Variants in POLH observed in about 807,000 individuals in gnomAD.
The protein encoded by POLH is DNA polymerase eta.
Under a neutral mutation model 73.6 loss-of-function variants are expected in POLH, and 53 were observed. The observed-to-expected ratio is 0.72, with a 90% CI of 0.58 to 0.91. POLH has a LOEUF of 0.91. POLH is among the 40% of genes least tolerant of loss of function. The probability of loss-of-function intolerance (pLI) is 0.00; values close to 1 mark genes in which losing one functional copy is unlikely to be tolerated. For missense variants in POLH, 768 were observed against 865.4 expected, an observed-to-expected ratio of 0.89 and a Z score of 1.41; for synonymous variants, 292 against 308.5, an observed-to-expected ratio of 0.95 and a Z score of 0.56.
rs1417940907 is a variant in POLH at position 43,616,460 on chromosome 6, G to T, written c.*1903G>T. ...AAAAATTAGCTGGGCTTGGTGGCAG[G>T]CGCCTGTAATCCCAGGTACTCGGGA... On this transcript the variant is annotated 3_prime_UTR_variant, in exon 11 of 11. Transcript: ENST00000372236. Among the ~76,000 whole-genome samples, 2 of 151,610 alleles carry T rather than the reference G, an allele frequency of 1.3e-5. No homozygotes were observed. The highest frequency in any genetic ancestry group is 4.8e-5 in the African/African-American group (2 of 41,238).
rs1005098117 is a variant in POLH, at chr6:43,616,359, T to G, written c.*1802T>G. Among the ~76,000 whole-genome samples, 2 of 150,404 alleles carry G rather than the reference T, an allele frequency of 1.3e-5. No homozygotes were observed. Among genetic ancestry groups the G allele is most frequent in the Admixed American group, 6.6e-5 (1 of 15,082 alleles). On this transcript the variant is annotated 3_prime_UTR_variant, in exon 11 of 11. Transcript: ENST00000372236. The stretch of plus-strand genomic sequence containing the variant: ...CTATAATCCCAGCATTTAGGGAGGC[T>G]GAGGTGAGTGGATTGCAGGAGCTCA...
intron 1 of POLH, among the ~76,000 whole-genome samples, chr6:43,577,221 A>G (rs1763459083): frequency 6.6e-6 from 1 of 152,196 alleles, no homozygotes; most frequent in Admixed American, 6.5e-5. Context: ...GTAAATACAT[A>G]AACGGAAAAC....
At position 43,581,579 on chromosome 6, in the gene POLH, G is replaced by C. The variant is rs1315664300; in HGVS notation, c.-4-737G>C. Among the ~76,000 whole-genome samples, 4 of 150,320 alleles carry C rather than the reference G, an allele frequency of 2.7e-5. No homozygotes were observed. In the East Asian group the frequency reaches 7.7e-4, roughly 29 times the overall value. ...GCCCTCGGGCCCGCGGGGCCCGTCC[G>C]CTCCTCCAGCCGCTGCCTCCCGGGC... On this transcript the variant is annotated intron_variant, in intron 1 of 10. Coordinates refer to ENST00000372236, the MANE Select transcript of POLH (RefSeq NM_006502.3).
At chr6:43,596,584 A>C (rs1196887864) in intron 4 of POLH, among the ~76,000 whole-genome samples, 2 of 152,234 alleles carry the variant, frequency 1.3e-5, no homozygotes, top group Non-Finnish European at 2.9e-5. Flanking sequence ...AAATGGCTGC[A>C]TAATGAGGAA....
In POLH at chr6:43,579,423, A is replaced by G. The variant is rs545638944; in HGVS notation, c.-4-2893A>G. ...GTCATGCCTATCCAATGAAGTTTCC[A>G]TAAAAGGCCCAAGAGGAGAGGGTTC... On this transcript the variant is annotated intron_variant, in intron 1 of 10. Transcript: ENST00000372236. Among the ~76,000 whole-genome samples the G allele has an allele frequency of 9.1e-4, 139 of 152,304 alleles. 1 individual carries two copies. Among genetic ancestry groups the G allele is most frequent in the African/African-American group, 3.2e-3 (133 of 41,564 alleles).
At chr6:43,585,730 C>T (rs1178834821) in intron 3 of POLH, among the ~76,000 whole-genome samples, 1 of 150,572 alleles carries the variant, frequency 6.6e-6, no homozygotes, top group Non-Finnish European at 1.5e-5. Flanking sequence ...ACCACAACCT[C>T]CATCTCTTGG....
At chr6:43,577,135 G>A (rs1249282974) in intron 1 of POLH, among the ~76,000 whole-genome samples, 8 of 152,212 alleles carry the variant, frequency 5.3e-5, no homozygotes, top group African/African-American at 4.8e-5. Flanking sequence ...CCGAGATCGC[G>A]CCTTTGCACT....
chr6:43,613,163 C>A (rs1230636908), intron 10 of POLH, among the ~76,000 whole-genome samples: 2 of 152,282 alleles, frequency 1.3e-5, no homozygotes, highest in South Asian at 2.1e-4. Context: ...TGTGGAATTT[C>A]ATTCTCTAGA....
chr6:43,586,576 A>C (rs1463423512), intron 3 of POLH, among the ~76,000 whole-genome samples: 2 of 152,264 alleles, frequency 1.3e-5, no homozygotes, highest in African/African-American at 4.8e-5. Flanking sequence ...AATAGAAGAC[A>C]TACGATGAGA....
In POLH at chr6:43,619,237, G is replaced by A. The variant is rs1008867172; in HGVS notation, c.*4680G>A. The stretch of plus-strand genomic sequence containing the variant: ...AAAAAATACAAAGATGGTGGCTTAT[G>A]CCTGTAGTCGTACCTACTCAGGAGG... On this transcript the variant is annotated 3_prime_UTR_variant, in exon 11 of 11. Transcript: ENST00000372236. Among the ~76,000 whole-genome samples the A allele has an allele frequency of 3.3e-5, 5 of 151,852 alleles. No individual in the cohort carries two copies. Among genetic ancestry groups the A allele is most frequent in the Non-Finnish European group, 2.9e-5 (2 of 67,994 alleles).
chr6:43,599,626 ATTTT>A (rs1337776559), intron 5 of POLH, among the ~76,000 whole-genome samples: 1 of 150,876 alleles, frequency 6.6e-6, no homozygotes. Flanking sequence ...ACCCATCTGA[ATTTT>A]TTTGGTGTTT....
At chr6:43,592,369 T>A (rs1582287639) in intron 4 of POLH, among the ~76,000 whole-genome samples, 1 of 151,952 alleles carries the variant, frequency 6.6e-6, no homozygotes, top group Admixed American at 6.6e-5. Context: ...CTAGCAATCA[T>A]GCTCAGCCCT....
intron 1 of POLH, among the ~76,000 whole-genome samples, chr6:43,581,718 C>T (rs943335474): frequency 1.4e-5 from 2 of 145,536 alleles, no homozygotes; most frequent in Admixed American, 1.3e-4. Context: ...GGCTCCGCTT[C>T]ATATCTGCAG....
chr6:43,601,501 G>A (rs1215003150), intron 6 of POLH, among the ~76,000 whole-genome samples: 1 of 152,010 alleles, frequency 6.6e-6, no homozygotes, highest in South Asian at 2.1e-4. Context: ...CTTGACCTCA[G>A]GTGATTTGCC....
intron 9 of POLH, among the ~76,000 whole-genome samples, chr6:43,607,616 G>A (rs113456244): frequency 0.012 from 1,770 of 152,238 alleles, 21 homozygotes; most frequent in South Asian, 0.03. Flanking sequence ...TTAACTCTAT[G>A]TTTAGCATTT....
Position 43,604,685 on chromosome 6 carries a change from A to T in POLH, c.955A>T (p.Ile319Phe), listed in dbSNP as rs1377543277. 2 of 1,614,126 alleles carry T rather than the reference A, an allele frequency of 1.2e-6. No homozygotes were observed. Among genetic ancestry groups the T allele is most frequent in the Non-Finnish European group, 8.5e-7 (1 of 1,179,964 alleles). Residue 319 changes from isoleucine (I) to phenylalanine (F), a missense_variant, in exon 8 of 11, where the codon ATT (isoleucine) becomes TTT (phenylalanine). Coordinates refer to ENST00000372236, the MANE Select transcript of POLH (RefSeq NM_006502.3). ...TAAACCCAGGCAACTACCCAAAACC[A>T]TTGGCTGTAGTAAGAACTTCCCAGG... ...PVKPRQLPKT[I>F]GCSKNFPGKT... is the part of the protein sequence containing the mutation.
chr6:43,598,634 CAAAAA>C (rs1044403826), intron 5 of POLH, among the ~76,000 whole-genome samples: 10 of 102,036 alleles, frequency 9.8e-5, no homozygotes, highest in Admixed American at 9.3e-4. Flanking sequence ...GACTCCGTCT[CAAAAA>C]AAAAAAAAGA....
chr6:43,610,490 C>T, intron 9 of POLH, 64 bp from the exon 10 acceptor site: 1 of 1,340,294 alleles, frequency 7.5e-7, no homozygotes, highest in Middle Eastern at 1.8e-4. Context: ...TCCTGCAGTT[C>T]AGTACCTAGA....
chr6:43,612,872 G>A (rs942444905), intron 10 of POLH, among the ~76,000 whole-genome samples: 8 of 146,780 alleles, frequency 5.5e-5, no homozygotes, highest in African/African-American at 7.6e-5. Flanking sequence ...CGCAATCTCC[G>A]CTCACTGCAA....
Sources: gnomAD v4.1 joint callset for allele counts (sites outside exome capture counted in the v4.1 genomes callset) on GRCh38, gnomAD v4.1.1 for gene constraint, MANE v1.5 for transcripts, NCBI Gene and HGNC (gene_info 2026-07-23, HGNC 2026-07-21) for gene names.